Variants in ADAMTSL1 observed in about 807,000 individuals in gnomAD.
ADAMTSL1 encodes ADAMTS-like protein 1.
ADAMTSL1 carries 126 observed loss-of-function variants against 201.8 expected under a neutral mutation model. The observed-to-expected ratio is 0.62, with a 90% CI of 0.54 to 0.72. ADAMTSL1 has a LOEUF of 0.72. Among genes scored for constraint, ADAMTSL1 ranks in the 30% least tolerant of loss-of-function variants. The probability of loss-of-function intolerance (pLI) is 0.00; values close to 1 mark genes in which losing one functional copy is unlikely to be tolerated. For synonymous variants in ADAMTSL1, 1,121 were observed against 903.4 expected, an observed-to-expected ratio of 1.24 and a Z score of -4.32; for missense variants, 2,679 against 2,277.8, an observed-to-expected ratio of 1.18 and a Z score of -3.59.
rs546253290 is a variant in ADAMTSL1, at chr9:18,373,995, T to G, written c.208-130834T>G. 1.4e-4 allele frequency among the ~76,000 whole-genome samples: 21 copies of G among 152,274 alleles called. No individual in the cohort carries two copies. In the East Asian group the frequency reaches 3.9e-3, roughly 28 times the overall value. ...TAGACTAGGAACTGGGCTAGGAACT[T>G]TCCATCTGGGGAGCTTTCTGCTACA... On this transcript the variant is annotated intron_variant, in intron 2 of 29. Transcript: ENST00000680146.
At chr9:18,275,153 GA>G (rs1832537306) in intron 2 of ADAMTSL1, among the ~76,000 whole-genome samples, 1 of 152,102 alleles carries the variant, frequency 6.6e-6, no homozygotes, top group African/African-American at 2.4e-5. Flanking sequence ...AGTATTTAAA[GA>G]AAGAGTAAAA....
At chr9:18,803,925 A>G (rs550031312) in intron 20 of ADAMTSL1, among the ~76,000 whole-genome samples, 1 of 152,282 alleles carries the variant, frequency 6.6e-6, no homozygotes, top group Admixed American at 6.5e-5. Flanking sequence ...AATAATTTGG[A>G]TGGAAGGGGA....
At chr9:18,479,724 C>A (rs1005344563) in intron 1 of ADAMTSL1, among the ~76,000 whole-genome samples, 12 of 152,162 alleles carry the variant, frequency 7.9e-5, no homozygotes, top group African/African-American at 2.7e-4. Flanking sequence ...CCTCCTGCCT[C>A]TTTCAGAATG....
At chr9:17,998,660 A>C (rs191586413) in intron 1 of ADAMTSL1, among the ~76,000 whole-genome samples, 1 of 152,070 alleles carries the variant, frequency 6.6e-6, no homozygotes, top group African/African-American at 2.4e-5. Flanking sequence ...AAAAGGAAGT[A>C]GTAATGAGGG....
chr9:18,661,528 C>G (rs1050327431), intron 8 of ADAMTSL1, among the ~76,000 whole-genome samples: 1 of 152,120 alleles, frequency 6.6e-6, no homozygotes, highest in Non-Finnish European at 1.5e-5. Flanking sequence ...AGTTTATTCT[C>G]CCTAGTGCCC....
intron 3 of ADAMTSL1, among the ~76,000 whole-genome samples, chr9:18,570,378 A>G (rs1234853223): frequency 1.3e-5 from 2 of 152,370 alleles, no homozygotes; most frequent in South Asian, 2.1e-4. Flanking sequence ...AGAGGCTACA[A>G]TGACTACTTG....
intron 14 of ADAMTSL1, chr9:18,718,329 C>T (rs1378524053): frequency 2.7e-6 from 2 of 740,756 alleles, no homozygotes; most frequent in East Asian, 2.7e-5. Context: ...CAAATCCCTC[C>T]TTGCTATACA....
At chr9:18,845,502 C>T (rs1354579898) in intron 23 of ADAMTSL1, among the ~76,000 whole-genome samples, 1 of 152,234 alleles carries the variant, frequency 6.6e-6, no homozygotes, top group East Asian at 1.9e-4. Context: ...ATAGGCAGGG[C>T]CTGCACATGT....
At chr9:18,629,736 C>A (rs984978002) in intron 5 of ADAMTSL1, among the ~76,000 whole-genome samples, 3 of 152,118 alleles carry the variant, frequency 2.0e-5, no homozygotes, top group Non-Finnish European at 1.5e-5. Context: ...AGTATTAGCA[C>A]AAAATGGCCT....
At chr9:18,830,052 G>A (rs986629217) in intron 23 of ADAMTSL1, 75 bp downstream of exon 23, 9 of 1,526,850 alleles carry the variant, frequency 5.9e-6, no homozygotes, top group East Asian at 2.5e-5. Flanking sequence ...ACTGTTTGCA[G>A]GTGGGAAGGA....
chr9:18,244,317 T>C (rs1030716278), intron 2 of ADAMTSL1, among the ~76,000 whole-genome samples: 1 of 152,116 alleles, frequency 6.6e-6, no homozygotes, highest in Non-Finnish European at 1.5e-5. Flanking sequence ...TCATTTCTCT[T>C]CATGTATAAA....
intron 4 of ADAMTSL1, among the ~76,000 whole-genome samples, chr9:18,621,209 C>G (rs188952120): frequency 1.4e-3 from 206 of 152,220 alleles, no homozygotes; most frequent in African/African-American, 4.6e-3. Flanking sequence ...GCCATACAAC[C>G]TGGCATAGTT....
intron 2 of ADAMTSL1, among the ~76,000 whole-genome samples, chr9:18,372,393 A>G (rs1837084295): frequency 6.6e-6 from 1 of 152,322 alleles, no homozygotes; most frequent in Admixed American, 6.5e-5. Context: ...GCAGTTTACA[A>G]AGACCTTTAA....
In ADAMTSL1 at chr9:18,197,082, G is replaced by A. The variant is rs1349492978; in HGVS notation, c.207+33101G>A. On this transcript the variant is annotated intron_variant, in intron 2 of 29. Transcript: ENST00000680146. ...TTGTTTTCCTCTTTTTCTTCTACCA[G>A]TGAAAGCTAGGAAAGTAGAGATTGT... Among the ~76,000 whole-genome samples, 4 of 152,232 alleles carry A rather than the reference G, an allele frequency of 2.6e-5. No individual in the cohort carries two copies. The South Asian group carries it at 6.2e-4, about 24-fold the overall frequency.
intron 1 of ADAMTSL1, among the ~76,000 whole-genome samples, chr9:18,055,434 A>G (rs1326247132): frequency 6.6e-6 from 1 of 152,220 alleles, no homozygotes; most frequent in African/African-American, 2.4e-5. Context: ...CCTTTTGTGC[A>G]TTAAAGTCTT....
At chr9:18,076,608 G>C (rs1041515713) in intron 1 of ADAMTSL1, among the ~76,000 whole-genome samples, 2 of 152,206 alleles carry the variant, frequency 1.3e-5, no homozygotes, top group African/African-American at 2.4e-5. Context: ...CTTTGAGCAT[G>C]TTCCATTCAG....
At chr9:18,837,458 G>C (rs954781501) in intron 23 of ADAMTSL1, among the ~76,000 whole-genome samples, 1 of 152,066 alleles carries the variant, frequency 6.6e-6, no homozygotes, top group Non-Finnish European at 1.5e-5. Flanking sequence ...TGTTATGTTT[G>C]TCTCTTATAC....
At chr9:18,128,275 G>C (rs1005569218) in intron 1 of ADAMTSL1, among the ~76,000 whole-genome samples, 1 of 152,170 alleles carries the variant, frequency 6.6e-6, no homozygotes, top group Non-Finnish European at 1.5e-5. Context: ...GACCACCAGG[G>C]TAATGAGATT....
intron 15 of ADAMTSL1, among the ~76,000 whole-genome samples, chr9:18,731,532 G>T (rs1030654289): frequency 5.3e-5 from 8 of 152,142 alleles, no homozygotes; most frequent in African/African-American, 1.9e-4. Flanking sequence ...TCAAGAGACC[G>T]AGGTGGGAGG....
Sources: gnomAD v4.1 joint callset for allele counts (sites outside exome capture counted in the v4.1 genomes callset) on GRCh38, gnomAD v4.1.1 for gene constraint, MANE v1.5 for transcripts, NCBI Gene and HGNC (gene_info 2026-07-23, HGNC 2026-07-21) for gene names.